TASP1: variants seen among roughly 807,000 people sequenced by gnomAD.
The protein encoded by TASP1 is taspase 1.
A neutral mutation model predicts 56.6 loss-of-function variants in TASP1; 16 were observed. The observed-to-expected ratio is 0.28, with a 90% CI of 0.19 to 0.43. TASP1 has a LOEUF of 0.43. Among genes scored for constraint, TASP1 ranks in the 20% least tolerant of loss-of-function variants. The pLI is 1.00. For missense variants in TASP1, 393 were observed against 511.6 expected, an observed-to-expected ratio of 0.77 and a Z score of 2.24; for synonymous variants, 179 against 184.2, an observed-to-expected ratio of 0.97 and a Z score of 0.23.
At chr20:13,570,077 C>A (rs371987576) in intron 6 of TASP1, among the ~76,000 whole-genome samples, 1 of 151,984 alleles carries the variant, frequency 6.6e-6, no homozygotes, top group African/African-American at 2.4e-5. Context: ...CCTGATGCAA[C>A]GAAAATACAT....
At chr20:13,473,581 C>T (rs747677642) in intron 11 of TASP1, among the ~76,000 whole-genome samples, 1 of 152,154 alleles carries the variant, frequency 6.6e-6, no homozygotes. Flanking sequence ...GTTTGTTTTT[C>T]CAGTTGTAAT....
the TASP1 span, chr20:13,299,091 C>T: frequency 1.2e-6 from 2 of 1,613,766 alleles, no homozygotes; most frequent in South Asian, 1.1e-5. This position sits in a 1 kb window ranked among gnomAD's most constrained non-coding sequence, Gnocchi z 5.8. Flanking sequence ...CCGCATCAAG[C>T]GCAAGGACTT....
chr20:13,188,629 A>G, the TASP1 span, among the ~76,000 whole-genome samples: 2 of 152,302 alleles, frequency 1.3e-5, no homozygotes, highest in South Asian at 2.1e-4. Context: ...TACAGATTCA[A>G]TGTAATCCCC....
chr20:13,506,881 C>CAAAA (rs3042648), intron 10 of TASP1, among the ~76,000 whole-genome samples: 152 of 144,026 alleles, frequency 1.1e-3, no homozygotes, highest in African/African-American at 2.5e-3. Flanking sequence ...GAAATTAGGC[C>CAAAA]AAAAAAAAAA....
At chr20:13,136,378 C>A in the TASP1 span, among the ~76,000 whole-genome samples, 1 of 151,990 alleles carries the variant, frequency 6.6e-6, no homozygotes, top group Admixed American at 6.6e-5. Flanking sequence ...AGGTGGATCA[C>A]CCGAGCTCAG....
chr20:13,521,334 C>T (rs374382369), intron 10 of TASP1, among the ~76,000 whole-genome samples: 10 of 152,136 alleles, frequency 6.6e-5, no homozygotes, highest in Non-Finnish European at 1.3e-4. Context: ...CGTATGTTTA[C>T]TGTGGCACTA....
At chr20:13,189,412 A>T in the TASP1 span, among the ~76,000 whole-genome samples, 1 of 152,232 alleles carries the variant, frequency 6.6e-6, no homozygotes, top group Non-Finnish European at 1.5e-5. Context: ...TGCATCTGAC[A>T]AAGAGCTAAT....
chr20:13,399,266 C>T (rs2041652697), intron 13 of TASP1, among the ~76,000 whole-genome samples: 1 of 152,172 alleles, frequency 6.6e-6, no homozygotes, highest in Non-Finnish European at 1.5e-5. Context: ...TGATCTCATC[C>T]AAATGTTTTT....
the TASP1 span, among the ~76,000 whole-genome samples, chr20:13,323,149 G>A: frequency 1.3e-5 from 2 of 152,144 alleles, no homozygotes; most frequent in Non-Finnish European, 2.9e-5. Context: ...GAGGGCAAGA[G>A]AACAGAGCTA....
chr20:13,136,261 G>T, the TASP1 span, among the ~76,000 whole-genome samples: 2 of 152,116 alleles, frequency 1.3e-5, no homozygotes, highest in South Asian at 4.1e-4. Context: ...ATAATGACTT[G>T]TGTTCTTCCT....
the TASP1 span, among the ~76,000 whole-genome samples, chr20:13,323,556 C>T: frequency 2.0e-5 from 3 of 152,186 alleles, no homozygotes; most frequent in Non-Finnish European, 2.9e-5. Context: ...TATGAAACTA[C>T]GTTTTCTTGG....
the TASP1 span, among the ~76,000 whole-genome samples, chr20:13,159,457 G>A: frequency 6.6e-6 from 1 of 152,102 alleles, no homozygotes; most frequent in East Asian, 1.9e-4. Context: ...GCTGCAGTGG[G>A]AATATTGGCT....
chr20:13,515,663 A>T (rs879851035), intron 10 of TASP1, among the ~76,000 whole-genome samples: 10 of 152,094 alleles, frequency 6.6e-5, no homozygotes, highest in Non-Finnish European at 8.8e-5. Flanking sequence ...AGTACACCTT[A>T]CACTGACAAT....
the TASP1 span, among the ~76,000 whole-genome samples, chr20:13,266,796 A>G: frequency 6.6e-6 from 1 of 152,158 alleles, no homozygotes; most frequent in South Asian, 2.1e-4. Flanking sequence ...AAAATATTTT[A>G]CTTTTAACCT....
chr20:13,127,871 T>A, the TASP1 span, among the ~76,000 whole-genome samples: 1 of 152,170 alleles, frequency 6.6e-6, no homozygotes, highest in Non-Finnish European at 1.5e-5. Context: ...TGCATCCTAT[T>A]GGTTGGTCTT....
chr20:13,302,028 TAAG>T, the TASP1 span, among the ~76,000 whole-genome samples: 21 of 152,222 alleles, frequency 1.4e-4, no homozygotes, highest in African/African-American at 5.1e-4. Context: ...AAGAAATAGG[TAAG>T]TACTTGGTGT....
At chr20:13,576,286 A>G (rs947772688) in intron 6 of TASP1, among the ~76,000 whole-genome samples, 4 of 149,208 alleles carry the variant, frequency 2.7e-5, no homozygotes, top group East Asian at 2.0e-4. Flanking sequence ...AGAGAAGAGA[A>G]AGGAAGGGAA....
the TASP1 span, chr20:13,154,039 G>A: frequency 6.2e-7 from 1 of 1,613,984 alleles, no homozygotes; most frequent in Non-Finnish European, 8.5e-7. Context: ...AAAAACACAA[G>A]ATACTTCAGA....
chr20:13,571,264 T>C (rs1017654307), intron 6 of TASP1, among the ~76,000 whole-genome samples: 4 of 152,316 alleles, frequency 2.6e-5, no homozygotes, highest in East Asian at 1.9e-4. Flanking sequence ...AAGTATTGTA[T>C]AGTAGGTCAT....
Sources: gnomAD v4.1 joint callset for allele counts (sites outside exome capture counted in the v4.1 genomes callset) on GRCh38, gnomAD v4.1.1 for gene constraint, Gnocchi (gnomAD v3.1) non-coding constraint, MANE v1.5 for transcripts, NCBI Gene and HGNC (gene_info 2026-07-23, HGNC 2026-07-21) for gene names.